CHST9: variants seen among roughly 807,000 people sequenced by gnomAD.
CHST9 encodes the protein carbohydrate sulfotransferase 9.
A neutral mutation model predicts 44.4 loss-of-function variants in CHST9; 41 were observed. That is an observed-to-expected ratio of 0.92 (90% CI 0.72 to 1.20). The LOEUF (loss-of-function observed/expected upper bound fraction) is 1.20, where lower values mean the gene tolerates loss of function less well. Among genes scored for constraint, CHST9 ranks in the 50% most tolerant of loss-of-function variants. The pLI, the probability that CHST9 is intolerant of heterozygous loss-of-function variation, is 0.00. For synonymous variants in CHST9, 171 were observed against 178.4 expected (o/e 0.96, Z 0.33); for missense variants, 504 against 516.5 (o/e 0.98, Z 0.23).
At chr18:27,070,942 G>A (rs538230518) in intron 2 of CHST9, among the ~76,000 whole-genome samples, 1 of 152,286 alleles carries the variant, frequency 6.6e-6, no homozygotes, top group South Asian at 2.1e-4. Context: ...ACTCTCCTCT[G>A]TTGCTGACCC....
chr18:27,079,080 C>A (rs562841150), intron 2 of CHST9, among the ~76,000 whole-genome samples: 1 of 152,222 alleles, frequency 6.6e-6, no homozygotes, highest in South Asian at 2.1e-4. Context: ...AATGAGTGGG[C>A]GTACTCTGAA....
chr18:26,937,295 T>C (rs949051890), intron 5 of CHST9, among the ~76,000 whole-genome samples: 2 of 152,220 alleles, frequency 1.3e-5, no homozygotes, highest in Admixed American at 1.3e-4. Flanking sequence ...GGAGTATATG[T>C]ATGCTCATCT....
chr18:26,965,287 G>A (rs1225895974), intron 4 of CHST9, among the ~76,000 whole-genome samples: 2 of 152,204 alleles, frequency 1.3e-5, no homozygotes, highest in African/African-American at 2.4e-5. Flanking sequence ...GCAAGTACTT[G>A]TGCTGGTGGC....
At chr18:26,933,910 G>A (rs1450403647) in intron 5 of CHST9, among the ~76,000 whole-genome samples, 1 of 152,096 alleles carries the variant, frequency 6.6e-6, no homozygotes, top group African/African-American at 2.4e-5. Context: ...GATGTCCAAG[G>A]AAGATCTCTC....
intron 2 of CHST9, among the ~76,000 whole-genome samples, chr18:27,057,150 A>G (rs2057665948): frequency 6.6e-6 from 1 of 152,254 alleles, no homozygotes; most frequent in Non-Finnish European, 1.5e-5. Flanking sequence ...AATTGGTAGT[A>G]GAATCTTGAA....
intron 2 of CHST9, among the ~76,000 whole-genome samples, chr18:27,053,256 A>AAGAAGAAGAAGAAGAAGAAGG (rs1568151140): frequency 2.1e-4 from 17 of 80,526 alleles, no homozygotes; most frequent in Non-Finnish European, 2.4e-4. Context: ...GAAGAAGAAG[A>AAGAAGAAGAAGAAGAAGAAGG]AGAAGGAGAA....
chr18:27,035,200 A>G (rs12964868), intron 3 of CHST9, among the ~76,000 whole-genome samples: 58,659 of 152,002 alleles, frequency 0.39, 11,853 homozygotes, highest in East Asian at 0.49. Flanking sequence ...AGCCATTCTG[A>G]TAAGTGTGAG....
At chr18:26,968,016 G>A (rs1040072031) in intron 4 of CHST9, among the ~76,000 whole-genome samples, 12 of 152,212 alleles carry the variant, frequency 7.9e-5, no homozygotes, top group African/African-American at 2.7e-4. Context: ...GCCTTCGGCC[G>A]CAGACTGAAG....
chr18:26,919,054 C>T (rs1300126134), intron 5 of CHST9, among the ~76,000 whole-genome samples: 1 of 152,076 alleles, frequency 6.6e-6, no homozygotes, highest in Non-Finnish European at 1.5e-5. Flanking sequence ...AGGGGAACTG[C>T]CCTTTATAAA....
chr18:26,971,819 TG>T (rs1455436500), intron 4 of CHST9, among the ~76,000 whole-genome samples: 2 of 20,306 alleles, frequency 9.8e-5, no homozygotes, highest in African/African-American at 6.6e-4. Context: ...CCCATGGCTA[TG>T]GATAGCTCCC....
intron 2 of CHST9, among the ~76,000 whole-genome samples, chr18:27,058,174 C>A (rs1316456536): frequency 6.6e-6 from 1 of 152,184 alleles, no homozygotes; most frequent in African/African-American, 2.4e-5. Flanking sequence ...GCGTAAGCTG[C>A]AGCTACTGAC....
At chr18:27,082,674 G>A (rs946844648) in intron 2 of CHST9, among the ~76,000 whole-genome samples, 1 of 152,176 alleles carries the variant, frequency 6.6e-6, no homozygotes, top group Admixed American at 6.6e-5. Context: ...CTCACAGTTG[G>A]TTTCCACTGT....
chr18:27,002,135 A>C (rs1166375736), intron 4 of CHST9, among the ~76,000 whole-genome samples: 1 of 152,022 alleles, frequency 6.6e-6, no homozygotes, highest in Non-Finnish European at 1.5e-5. Context: ...CAGGACCCAC[A>C]GCTTGAGAAA....
intron 5 of CHST9, among the ~76,000 whole-genome samples, chr18:26,919,311 G>C (rs1236003321): frequency 6.6e-6 from 1 of 152,178 alleles, no homozygotes; most frequent in Non-Finnish European, 1.5e-5. Context: ...TTTGTCTGCT[G>C]TCTTCTCCAG....
intron 4 of CHST9, among the ~76,000 whole-genome samples, chr18:27,007,800 A>C (rs933710280): frequency 6.6e-6 from 1 of 152,162 alleles, no homozygotes; most frequent in Non-Finnish European, 1.5e-5. Context: ...ACAGAGCCAG[A>C]CTGGGGTGAA....
In CHST9 at chr18:26,916,717, C is replaced by T; in HGVS notation, c.874G>A (p.Asp292Asn). 5.0e-6 allele frequency: 8 copies of T among 1,613,868 alleles called. No individual in the cohort carries two copies. The highest frequency in any genetic ancestry group is 1.1e-5 in the South Asian group (1 of 91,068). Reference protein sequence around the residue: ...PMERLVSAFRDKFEHPNSYYH... With the variant: ...PMERLVSAFRNKFEHPNSYYH... ...TAACTATTGGGGTGTTCAAATTTGT[C>T]CCTAAAGGCTGATACTAATCTTTCC... The change falls in exon 6 of 6, where the codon GAC (aspartate) becomes AAC (asparagine). Residue 292 changes from aspartate (D) to asparagine (N), a missense_variant. Transcript: ENST00000618847.
At chr18:27,051,699 G>A (rs745553495) in intron 2 of CHST9, among the ~76,000 whole-genome samples, 2 of 152,162 alleles carry the variant, frequency 1.3e-5, no homozygotes, top group Non-Finnish European at 2.9e-5. Flanking sequence ...TTTTGAGAAA[G>A]CCAAAACCAG....
intron 1 of CHST9, among the ~76,000 whole-genome samples, chr18:27,163,518 C>T (rs1007143796): frequency 3.1e-4 from 47 of 152,260 alleles, no homozygotes; most frequent in South Asian, 8.3e-4. Context: ...CAATGGCGGG[C>T]GCCCCTCTCC....
chr18:26,944,627 A>G (rs2056135163), intron 4 of CHST9, among the ~76,000 whole-genome samples: 1 of 152,214 alleles, frequency 6.6e-6, no homozygotes, highest in South Asian at 2.1e-4. Flanking sequence ...AATGTATTAA[A>G]CTTTCACAGA....
Sources: allele counts gnomAD v4.1 joint callset (sites outside exome capture counted in the v4.1 genomes callset), GRCh38; gene constraint gnomAD v4.1.1; transcripts MANE v1.5; gene names NCBI Gene and HGNC (gene_info 2026-07-23, HGNC 2026-07-21).